COPG2: variants seen among roughly 807,000 people sequenced by gnomAD.
COPG2 encodes coat protein complex I subunit gamma 2, also known as coatomer subunit gamma-2.
COPG2 carries 37 observed loss-of-function variants against 46.3 expected under a neutral mutation model. The observed-to-expected ratio is 0.80, with a 90% CI of 0.61 to 1.05. The LOEUF (loss-of-function observed/expected upper bound fraction) is 1.05. Ranked by LOEUF, COPG2 falls within the 50% of genes least tolerant of loss-of-function variation. The probability of loss-of-function intolerance (pLI) is 0.00; values close to 1 mark genes in which losing one functional copy is unlikely to be tolerated. For synonymous variants in COPG2, 159 were observed against 129.7 expected, an observed-to-expected ratio of 1.23 and a Z score of -1.53; for missense variants, 427 against 387.8, an observed-to-expected ratio of 1.10 and a Z score of -0.85.
At chr7:130,603,941 A>AT (rs1554450834) in intron 9 of COPG2, 2 of 460,928 alleles carry the variant, frequency 4.3e-6, no homozygotes, top group African/African-American at 4.0e-5. Flanking sequence ...GTTTTATGTT[A>AT]TATGTAATAT....
chr7:130,620,951 T>C (rs1795028945), intron 5 of COPG2, among the ~76,000 whole-genome samples: 1 of 152,216 alleles, frequency 6.6e-6, no homozygotes, highest in Admixed American at 6.5e-5. Flanking sequence ...GCACTTTATA[T>C]GGCAAAAGGT....
intron 4 of COPG2, among the ~76,000 whole-genome samples, chr7:130,657,204 A>T (rs183681439): frequency 1.3e-5 from 2 of 152,088 alleles, no homozygotes; most frequent in East Asian, 3.8e-4. Flanking sequence ...GTGCCAATGT[A>T]ACTCAATCAT....
intron 5 of COPG2, 74 bp downstream of exon 5, chr7:130,652,795 C>A: frequency 2.1e-6 from 2 of 946,424 alleles, no homozygotes; most frequent in South Asian, 3.0e-5. Context: ...TTCTTATGGT[C>A]AAAAAATGAA....
At chr7:130,587,702 C>G (rs1457462362) in intron 9 of COPG2, among the ~76,000 whole-genome samples, 2 of 152,004 alleles carry the variant, frequency 1.3e-5, no homozygotes, top group African/African-American at 4.8e-5. Context: ...AGAAGAAAAC[C>G]TAGGCAATAC....
At chr7:130,605,125 C>T (rs782585194) in intron 9 of COPG2, 7 of 499,808 alleles carry the variant, frequency 1.4e-5, no homozygotes, top group Non-Finnish European at 2.8e-5. Context: ...CACAGTTCTT[C>T]GAGGCTCTTT....
chr7:130,520,774 TTA>T (rs1281730228), intron 20 of COPG2, among the ~76,000 whole-genome samples: 1 of 152,378 alleles, frequency 6.6e-6, no homozygotes, highest in Admixed American at 6.5e-5. Flanking sequence ...CTTCTTGTTT[TTA>T]TATTTTATTT....
intron 2 of COPG2, 70 bp from the exon 3 acceptor site, chr7:130,666,999 T>A: frequency 1.3e-6 from 1 of 753,500 alleles, no homozygotes; most frequent in Non-Finnish European, 2.2e-6. Context: ...AAATCAACTT[T>A]AATACAGACT....
At chr7:130,507,516 G>T in intron 22 of COPG2, 144 bp from the exon 23 acceptor site, 1 of 676,840 alleles carries the variant, frequency 1.5e-6, no homozygotes, top group Non-Finnish European at 2.7e-6. Context: ...GCTACTACTG[G>T]ACTAGAAAAT....
intron 9 of COPG2, among the ~76,000 whole-genome samples, chr7:130,586,837 G>A (rs1794282811): frequency 6.6e-6 from 1 of 151,904 alleles, no homozygotes; most frequent in South Asian, 2.1e-4. Context: ...CTATCTATAA[G>A]TGGCACCAAA....
chr7:130,574,682 T>C (rs1048783652), intron 9 of COPG2, among the ~76,000 whole-genome samples: 3 of 151,970 alleles, frequency 2.0e-5, no homozygotes, highest in Non-Finnish European at 4.4e-5. Context: ...TCACCAGCAA[T>C]GGATCTAAGC....
intron 20 of COPG2, among the ~76,000 whole-genome samples, chr7:130,517,642 G>A (rs1428796475): frequency 6.6e-6 from 1 of 152,156 alleles, no homozygotes; most frequent in African/African-American, 2.4e-5. Context: ...TATTTCTTGA[G>A]GACTGGTAGG....
At position 130,512,473 on chromosome 7, in the gene COPG2, A is replaced by G. The variant is rs183830547; in HGVS notation, c.2150-3814T>C. ...TATGAAGAGTGAAGTAAAAAAGTCT[A>G]TATCTATTTCTGTAGAGATGGTAAG... On this transcript the variant is annotated intron_variant, in intron 20 of 23. Coordinates refer to ENST00000425248, the MANE Select transcript of COPG2 (RefSeq NM_012133.6). Among the ~76,000 whole-genome samples, 281 of 151,452 alleles carry G rather than the reference A, an allele frequency of 1.9e-3. 1 individual carries two copies. Among genetic ancestry groups the G allele is most frequent in the African/African-American group, 6.4e-3 (265 of 41,196 alleles).
intron 9 of COPG2, among the ~76,000 whole-genome samples, chr7:130,577,908 G>C (rs1159022834): frequency 6.6e-6 from 1 of 151,884 alleles, no homozygotes; most frequent in Non-Finnish European, 1.5e-5. Context: ...CAAGGCGGCA[G>C]CGAGGCTGGG....
intron 4 of COPG2, among the ~76,000 whole-genome samples, chr7:130,658,113 T>C (rs1554460144): frequency 6.6e-6 from 1 of 152,188 alleles, no homozygotes; most frequent in Non-Finnish European, 1.5e-5. Context: ...AGCAATGTTG[T>C]TTATAATCAC....
chr7:130,590,411 A>T (rs1794374073), intron 9 of COPG2, among the ~76,000 whole-genome samples: 1 of 152,162 alleles, frequency 6.6e-6, no homozygotes, highest in African/African-American at 2.4e-5. Flanking sequence ...GCGCGCCGCC[A>T]CGCCTGACTG....
intron 9 of COPG2, among the ~76,000 whole-genome samples, chr7:130,568,741 A>G (rs1793846261): frequency 6.6e-6 from 1 of 152,196 alleles, no homozygotes; most frequent in Non-Finnish European, 1.5e-5. Flanking sequence ...CGTTCTACCC[A>G]ACAACTGCAG....
At chr7:130,530,361 C>T (rs1584964472) in intron 20 of COPG2, among the ~76,000 whole-genome samples, 2 of 151,660 alleles carry the variant, frequency 1.3e-5, no homozygotes, top group Admixed American at 6.6e-5. Flanking sequence ...TTTGTGGGAG[C>T]CTTCTTGATG....
At chr7:130,563,526 G>C (rs1793751280) in intron 10 of COPG2, among the ~76,000 whole-genome samples, 190 bp from the exon 11 acceptor site, 1 of 151,600 alleles carries the variant, frequency 6.6e-6, no homozygotes, top group African/African-American at 2.4e-5. Context: ...TGAAAATATA[G>C]TACATAATGA....
At chr7:130,528,834 G>A (rs951634466) in intron 20 of COPG2, among the ~76,000 whole-genome samples, 3 of 151,944 alleles carry the variant, frequency 2.0e-5, no homozygotes, top group South Asian at 2.1e-4. Flanking sequence ...CATGCCAGGC[G>A]CCAAGAGGGA....
Sources: gnomAD v4.1 joint callset for allele counts (sites outside exome capture counted in the v4.1 genomes callset) on GRCh38, gnomAD v4.1.1 for gene constraint, MANE v1.5 for transcripts, NCBI Gene and HGNC (gene_info 2026-07-23, HGNC 2026-07-21) for gene names.